Variants in ARHGAP26 observed in about 807,000 individuals in gnomAD.
ARHGAP26 encodes rho GTPase-activating protein 26.
Under a neutral mutation model 104.8 loss-of-function variants are expected in ARHGAP26, and 38 were observed. The ratio of observed to expected loss-of-function variants is 0.36; its 90% CI spans 0.28 to 0.48. The LOEUF (loss-of-function observed/expected upper bound fraction) is 0.48, where lower values mean the gene tolerates loss of function less well. ARHGAP26 is among the 20% of genes least tolerant of loss of function. ARHGAP26 has a pLI of 0.99. For synonymous variants in ARHGAP26, 341 were observed against 340.0 expected, an observed-to-expected ratio of 1.00 and a Z score of -0.03; for missense variants, 704 against 947.9, an observed-to-expected ratio of 0.74 and a Z score of 3.38.
intron 11 of ARHGAP26, among the ~76,000 whole-genome samples, chr5:142,998,825 C>A (rs866221287): frequency 6.6e-6 from 1 of 152,088 alleles, no homozygotes. Flanking sequence ...CTGTGCAACA[C>A]GAGACGGTGA....
chr5:143,092,903 A>T (rs1598976370), intron 17 of ARHGAP26, among the ~76,000 whole-genome samples: 1 of 152,288 alleles, frequency 6.6e-6, no homozygotes, highest in East Asian at 1.9e-4. Flanking sequence ...GAGTTTCCTT[A>T]TCACTTACTG....
chr5:143,171,034 A>C (rs1802695873), intron 20 of ARHGAP26, among the ~76,000 whole-genome samples: 1 of 152,202 alleles, frequency 6.6e-6, no homozygotes, highest in Non-Finnish European at 1.5e-5. Flanking sequence ...AAGAGAGGGG[A>C]AAAAAGAGCA....
intron 17 of ARHGAP26, among the ~76,000 whole-genome samples, chr5:143,092,386 G>A (rs1271136380): frequency 2.6e-5 from 4 of 151,932 alleles, no homozygotes; most frequent in African/African-American, 7.3e-5. Flanking sequence ...GGATGGTCTC[G>A]ATCTCCTGAC....
chr5:143,212,354 GAA>G (rs201236164), intron 21 of ARHGAP26, among the ~76,000 whole-genome samples: 50,359 of 135,642 alleles, frequency 0.37, 10,038 homozygotes, highest in African/African-American at 0.58. Context: ...AGCCTCTCAA[GAA>G]AAAAAAAAAA....
In ARHGAP26 at chr5:143,096,181, T is replaced by C. The variant is rs142708584; in HGVS notation, c.1539-24807T>C. 2.1e-3 allele frequency among the ~76,000 whole-genome samples: 317 copies of C among 152,320 alleles called. 3 individuals carry two copies. The highest frequency in any genetic ancestry group is 6.8e-3 in the Middle Eastern group (2 of 294). ...TAGCCTACATTGCTCATTTAGAAAA[T>C]ATTAGTAAACTGCGTTATGCAGATC... is the stretch of plus-strand genomic sequence containing the variant. On this transcript the variant is annotated intron_variant, in intron 17 of 22. Coordinates refer to ENST00000645722, the MANE Select transcript of ARHGAP26 (RefSeq NM_001135608.3).
intron 11 of ARHGAP26, among the ~76,000 whole-genome samples, chr5:142,973,200 A>G (rs1414462856): frequency 6.6e-6 from 1 of 152,184 alleles, no homozygotes; most frequent in African/African-American, 2.4e-5. Context: ...GGAAAAGCTA[A>G]GATAGATAGA....
intron 17 of ARHGAP26, among the ~76,000 whole-genome samples, chr5:143,095,044 T>C (rs1458636238): frequency 6.6e-6 from 1 of 152,162 alleles, no homozygotes; most frequent in East Asian, 1.9e-4. Context: ...GTTTTAATTC[T>C]GTGAAAGGAA....
chr5:143,032,693 T>A (rs1180133977), intron 12 of ARHGAP26, among the ~76,000 whole-genome samples: 2 of 152,244 alleles, frequency 1.3e-5, no homozygotes, highest in African/African-American at 4.8e-5. Context: ...ACTAATGATC[T>A]GGTTATGTGT....
chr5:142,912,502 G>T (rs1206059198), intron 9 of ARHGAP26, among the ~76,000 whole-genome samples: 2 of 152,174 alleles, frequency 1.3e-5, no homozygotes, highest in Non-Finnish European at 2.9e-5. Flanking sequence ...TTTCATGGAT[G>T]TATATGACAT....
intron 16 of ARHGAP26, among the ~76,000 whole-genome samples, chr5:143,056,658 A>G (rs1785866691): frequency 6.6e-6 from 1 of 152,162 alleles, no homozygotes; most frequent in African/African-American, 2.4e-5. Context: ...TACTCTAAGT[A>G]TACTGGAATC....
chr5:142,923,566 A>G (rs1396124176), intron 10 of ARHGAP26, among the ~76,000 whole-genome samples: 4 of 152,202 alleles, frequency 2.6e-5, no homozygotes, highest in Non-Finnish European at 5.9e-5. Context: ...GCTTGCTTCT[A>G]TGTCCCTGAT....
Position 143,041,900 on chromosome 5 carries a change from G to A in ARHGAP26, c.1285+10G>A, listed in dbSNP as rs377737458. On this transcript the variant is annotated intron_variant, in intron 14 of 22. Coordinates refer to ENST00000645722, the MANE Select transcript of ARHGAP26 (RefSeq NM_001135608.3). ...CTGAGTGTCCTGATGGGTGAGTGCC[G>A]CAGTGGCTCTGCTAGGCAGGTCCCT... The A allele has an allele frequency of 5.4e-5, 85 of 1,577,330 alleles. No individual in the cohort carries two copies. Among genetic ancestry groups the A allele is most frequent in the South Asian group, 7.0e-5 (6 of 86,088 alleles).
chr5:143,199,421 G>A (rs564877215), intron 20 of ARHGAP26, among the ~76,000 whole-genome samples: 6 of 152,248 alleles, frequency 3.9e-5, no homozygotes, highest in African/African-American at 1.4e-4. Flanking sequence ...GTTCCTTTTG[G>A]CTCTATTTTC....
At chr5:142,913,701 C>T (rs539509322) in intron 10 of ARHGAP26, among the ~76,000 whole-genome samples, 42 of 151,998 alleles carry the variant, frequency 2.8e-4, no homozygotes, top group African/African-American at 8.7e-4. Context: ...TATAATGATT[C>T]GAAAGGCATT....
intron 9 of ARHGAP26, among the ~76,000 whole-genome samples, chr5:142,912,452 G>A (rs1372826183): frequency 6.6e-6 from 1 of 152,180 alleles, no homozygotes; most frequent in Non-Finnish European, 1.5e-5. Context: ...GAAACTTTTG[G>A]GGATGATGGA....
intron 4 of ARHGAP26, among the ~76,000 whole-genome samples, chr5:142,881,100 T>C (rs1199218473): frequency 6.6e-6 from 1 of 152,158 alleles, no homozygotes; most frequent in Non-Finnish European, 1.5e-5. Context: ...CTCCCTCAGT[T>C]CCTGGCAGTG....
intron 21 of ARHGAP26, 143 bp downstream of exon 21, chr5:143,207,451 G>T: frequency 1.2e-6 from 2 of 1,614,134 alleles, no homozygotes; most frequent in Non-Finnish European, 1.7e-6. Context: ...CAGGCCAGAA[G>T]AAGCGGTACA....
At chr5:142,961,390 G>A (rs1020956468) in intron 11 of ARHGAP26, among the ~76,000 whole-genome samples, 4 of 152,132 alleles carry the variant, frequency 2.6e-5, no homozygotes, top group Non-Finnish European at 5.9e-5. Context: ...TACGTGGGAA[G>A]CTGAGGTGGG....
chr5:143,219,959 A>G (rs1273921994), intron 22 of ARHGAP26, among the ~76,000 whole-genome samples: 1 of 152,096 alleles, frequency 6.6e-6, no homozygotes, highest in African/African-American at 2.4e-5. Flanking sequence ...CCTGTGACCT[A>G]CCTTTTGGCC....
Sources: gnomAD v4.1 joint callset for allele counts (sites outside exome capture counted in the v4.1 genomes callset) on GRCh38, gnomAD v4.1.1 for gene constraint, MANE v1.5 for transcripts, NCBI Gene and HGNC (gene_info 2026-07-23, HGNC 2026-07-21) for gene names.